SPRED1: variants seen among roughly 807,000 people sequenced by gnomAD.
SPRED1 encodes sprouty-related, EVH1 domain-containing protein 1.
A neutral mutation model predicts 52.3 loss-of-function variants in SPRED1; 18 were observed. The ratio of observed to expected loss-of-function variants is 0.34; its 90% CI spans 0.24 to 0.51. SPRED1 has a LOEUF of 0.51. SPRED1 is among the 20% of genes least tolerant of loss of function. The pLI is 0.97. For synonymous variants in SPRED1, 155 were observed against 179.7 expected (o/e 0.86, Z 1.10); for missense variants, 485 against 551.0 (o/e 0.88, Z 1.20).
intron 1 of SPRED1, among the ~76,000 whole-genome samples, chr15:38,283,012 G>C (rs911030088): frequency 6.6e-6 from 1 of 152,038 alleles, no homozygotes; most frequent in South Asian, 2.1e-4. Flanking sequence ...GTGTAATGAG[G>C]TATGTTAGTC....
At chr15:38,285,871 A>T (rs757695877) in intron 1 of SPRED1, among the ~76,000 whole-genome samples, 13 of 152,234 alleles carry the variant, frequency 8.5e-5, no homozygotes, top group Non-Finnish European at 1.8e-4. Flanking sequence ...TAGAATTGTC[A>T]TCCTTGAAAT....
At chr15:38,311,606 C>T (rs772453585) in intron 2 of SPRED1, among the ~76,000 whole-genome samples, 7 of 152,178 alleles carry the variant, frequency 4.6e-5, no homozygotes, top group Admixed American at 4.6e-4. Context: ...AATTGTTATA[C>T]GACTATTCAG....
intron 2 of SPRED1, among the ~76,000 whole-genome samples, chr15:38,318,866 T>A (rs1895543823): frequency 6.6e-6 from 1 of 152,152 alleles, no homozygotes; most frequent in African/African-American, 2.4e-5. Flanking sequence ...GACACCTAGG[T>A]TGATTCCATG....
intron 1 of SPRED1, among the ~76,000 whole-genome samples, chr15:38,290,608 C>T (rs367671740): frequency 1.2e-4 from 19 of 152,228 alleles, no homozygotes; most frequent in Non-Finnish European, 1.8e-4. Flanking sequence ...CTTATAGTTC[C>T]GCATGGCTGG....
At chr15:38,321,145 T>C (rs1895594137) in intron 2 of SPRED1, among the ~76,000 whole-genome samples, 1 of 152,208 alleles carries the variant, frequency 6.6e-6, no homozygotes, top group African/African-American at 2.4e-5. Context: ...CAGTAGAACA[T>C]AATATATGTA....
At chr15:38,339,994 C>T (rs1895998470) in intron 5 of SPRED1, 99 bp downstream of exon 5, 2 of 1,453,208 alleles carry the variant, frequency 1.4e-6, no homozygotes, top group Non-Finnish European at 1.9e-6. Context: ...CTTTACCAGA[C>T]ACAGTAAACA....
At chr15:38,319,903 G>A (rs1225274070) in intron 2 of SPRED1, among the ~76,000 whole-genome samples, 1 of 152,160 alleles carries the variant, frequency 6.6e-6, no homozygotes, top group African/African-American at 2.4e-5. Context: ...ATGATTTATA[G>A]CATTTACATA....
chr15:38,354,646 C>G lies in SPRED1; in HGVS notation c.*2982C>G, dbSNP rs1341359756. 2 of 152,150 alleles carry G rather than the reference C, an allele frequency of 1.3e-5. No homozygotes were observed. The highest frequency in any genetic ancestry group is 4.8e-5 in the African/African-American group (2 of 41,426). 9.4% of individuals were successfully genotyped at this position (152,150 alleles called of 1,614,324 possible). A position where few individuals can be genotyped will look rare whatever the true frequency, so the allele number is the denominator to read the frequency against. Reference sequence around the variant, plus strand: ...GGGAAACCAGGAATAAGAACTGTCTCAAAGGAATTGTAAAATGGTTATTTA... The same window carrying G: ...GGGAAACCAGGAATAAGAACTGTCTGAAAGGAATTGTAAAATGGTTATTTA... On this transcript the variant is annotated 3_prime_UTR_variant, in exon 7 of 7. Coordinates refer to ENST00000299084, the MANE Select transcript of SPRED1 (RefSeq NM_152594.3).
At chr15:38,296,718 G>A (rs73396493) in intron 1 of SPRED1, among the ~76,000 whole-genome samples, 111 of 152,102 alleles carry the variant, frequency 7.3e-4, no homozygotes, top group African/African-American at 2.4e-3. Context: ...CATTGTTATC[G>A]TCCTAGTTCA....
intron 1 of SPRED1, among the ~76,000 whole-genome samples, chr15:38,274,359 A>C (rs912948206): frequency 6.6e-6 from 1 of 152,208 alleles, no homozygotes; most frequent in Admixed American, 6.5e-5. Context: ...GTCGGAAATG[A>C]TAATGAAAGC....
At chr15:38,340,033 A>G in intron 5 of SPRED1, 138 bp downstream of exon 5, 1 of 1,125,262 alleles carries the variant, frequency 8.9e-7, no homozygotes, top group South Asian at 1.4e-5. Context: ...AAACAAAACC[A>G]GGAGAATTTG....
rs1027007538 is a variant in SPRED1 at position 38,354,609 on chromosome 15, C to T, written c.*2945C>T. ...CATTAAAGGGCTATTTATGTGGTGA[C>T]CACCTCTACCAGGGAAACCAGGAAT... On this transcript the variant is annotated 3_prime_UTR_variant, in exon 7 of 7. Transcript: ENST00000299084. 6.6e-6 allele frequency: 1 copy of T among 152,132 alleles called. No individual in the cohort carries two copies. The highest frequency in any genetic ancestry group is 1.9e-4 in the East Asian group (1 of 5,192). 9.4% of individuals were successfully genotyped at this position (152,132 alleles called of 1,614,324 possible). A position where few individuals can be genotyped will look rare whatever the true frequency, so the allele number is the denominator to read the frequency against.
At chr15:38,253,571 A>G (rs1381013978) in intron 1 of SPRED1, among the ~76,000 whole-genome samples, 1 of 152,070 alleles carries the variant, frequency 6.6e-6, no homozygotes, top group Non-Finnish European at 1.5e-5. Context: ...CCATACCTTC[A>G]GTATCCATCC....
In SPRED1 at chr15:38,349,385, T is replaced by C. The variant is rs370015720; in HGVS notation, c.583-37T>C. 190 of 1,474,602 alleles carry C rather than the reference T, an allele frequency of 1.3e-4. No individual in the cohort carries two copies. The African/African-American group carries it at 2.3e-3, about 18-fold the overall frequency. 91.3% of individuals were successfully genotyped at this position (1,474,602 alleles called of 1,614,324 possible). ...TGTACAGTTTCATTAAAAGTAAAAT[T>C]CTTGTGTCATTTAAGTAGAAATTGT... is the stretch of plus-strand genomic sequence containing the variant. On this transcript the variant is annotated intron_variant, in intron 5 of 6. Transcript: ENST00000299084.
intron 1 of SPRED1, among the ~76,000 whole-genome samples, chr15:38,285,910 A>G (rs74782283): frequency 3.9e-5 from 6 of 152,304 alleles, no homozygotes; most frequent in Non-Finnish European, 8.8e-5. Flanking sequence ...AAAACATACA[A>G]TATCTTCTTA....
chr15:38,332,375 A>G (rs1895821973), intron 4 of SPRED1, among the ~76,000 whole-genome samples: 2 of 152,092 alleles, frequency 1.3e-5, no homozygotes, highest in South Asian at 4.1e-4. Flanking sequence ...GGAGTTCAAA[A>G]CCAGCCTGAG....
chr15:38,303,086 A>G (rs1310377045), intron 2 of SPRED1, among the ~76,000 whole-genome samples: 1 of 152,148 alleles, frequency 6.6e-6, no homozygotes, highest in East Asian at 1.9e-4. Flanking sequence ...CAGGAGGCTG[A>G]GGCAGGAGAA....
rs539133361 is a variant in SPRED1, at chr15:38,354,373, T to C, written c.*2709T>C. The C allele has an allele frequency of 1.3e-5, 2 of 152,316 alleles. No individual in the cohort carries two copies. The highest frequency in any genetic ancestry group is 3.9e-4 in the East Asian group (2 of 5,186). 9.4% of individuals were successfully genotyped at this position (152,316 alleles called of 1,614,324 possible). On this transcript the variant is annotated 3_prime_UTR_variant, in exon 7 of 7. Transcript: ENST00000299084. ...ACTGCTTGAGTAATAGTATTGAAAA[T>C]GGAATCATCTAGACGGCATGACAAG...
At chr15:38,270,661 G>A (rs865880613) in intron 1 of SPRED1, among the ~76,000 whole-genome samples, 2 of 152,124 alleles carry the variant, frequency 1.3e-5, no homozygotes, top group South Asian at 2.1e-4. Context: ...CAGCGAGGGG[G>A]TAGTCTGCCC....
Sources: gnomAD v4.1 joint callset for allele counts (sites outside exome capture counted in the v4.1 genomes callset) on GRCh38, gnomAD v4.1.1 for gene constraint, MANE v1.5 for transcripts, NCBI Gene and HGNC (gene_info 2026-07-23, HGNC 2026-07-21) for gene names.